The following GPAM variants were observed in gnomAD, a reference collection of about 807,000 sequenced individuals.
The protein encoded by GPAM is glycerol-3-phosphate acyltransferase, mitochondrial, also known as glycerol-3-phosphate acyltransferase 1, mitochondrial.
Under a neutral mutation model 105.0 loss-of-function variants are expected in GPAM, and 56 were observed. The ratio of observed to expected loss-of-function variants is 0.53; its 90% confidence interval spans 0.43 to 0.67. The LOEUF (loss-of-function observed/expected upper bound fraction) is 0.67. GPAM is among the 30% of genes least tolerant of loss of function. The probability of loss-of-function intolerance (pLI) is 0.00; values close to 1 mark genes in which losing one functional copy is unlikely to be tolerated. For synonymous variants in GPAM, 368 were observed against 354.4 expected, an observed-to-expected ratio of 1.04 and a Z score of -0.43; for missense variants, 855 against 989.8, an observed-to-expected ratio of 0.86 and a Z score of 1.83.
intron 1 of GPAM, among the ~76,000 whole-genome samples, chr10:112,203,618 G>C (rs905039307): frequency 1.3e-5 from 2 of 152,152 alleles, no homozygotes; most frequent in African/African-American, 4.8e-5. Flanking sequence ...ATATTCATTA[G>C]TGTTTAGAGT....
At chr10:112,197,671 T>C (rs1169120054) in intron 1 of GPAM, among the ~76,000 whole-genome samples, 5 of 113,866 alleles carry the variant, frequency 4.4e-5, no homozygotes, top group Non-Finnish European at 8.3e-5. Context: ...CAGAGTGTGA[T>C]ATTCCCCTTC....
At chr10:112,181,167 A>C (rs908389145) in intron 3 of GPAM, among the ~76,000 whole-genome samples, 2 of 151,672 alleles carry the variant, frequency 1.3e-5, no homozygotes, top group Admixed American at 1.3e-4. Flanking sequence ...ATACAGATAT[A>C]ACATTCTCAA....
chr10:112,163,967 C>T, intron 13 of GPAM, 151 bp from the exon 14 acceptor site: 1 of 673,392 alleles, frequency 1.5e-6, no homozygotes, highest in South Asian at 1.7e-5. Flanking sequence ...TATTTTCCTC[C>T]ATAATATACT....
At chr10:112,164,731 T>C (rs1185693386) in intron 12 of GPAM, 121 bp from the exon 13 acceptor site, 3 of 696,702 alleles carry the variant, frequency 4.3e-6, no homozygotes, top group Admixed American at 2.1e-5. Flanking sequence ...CTATAGAGCA[T>C]GGGAAATACT....
At position 112,166,484 on chromosome 10, in the gene GPAM, C is replaced by G; in HGVS notation, c.1139G>C (p.Ser380Thr). ...GKPKKNESLW[S>T]VARGVIRMLR... ...CATTCTAATAACACCTCTTGCTACA[C>G]TCCACAGGCTCTCATTCTTCTTAGG... The change falls in exon 12 of 22, where the codon AGT (serine) becomes ACT (threonine). Residue 380 changes from serine (S) to threonine (T), a missense_variant. By Grantham distance (58) the Ser-to-Thr change is moderately conservative. Coordinates refer to ENST00000348367, the MANE Select transcript of GPAM (RefSeq NM_001244949.2). 6.2e-7 allele frequency: 1 copy of G among 1,610,092 alleles called. No homozygotes were observed. Among genetic ancestry groups the G allele is most frequent in the Non-Finnish European group, 8.5e-7 (1 of 1,176,276 alleles).
intron 20 of GPAM, 157 bp downstream of exon 20, chr10:112,155,707 T>G: frequency 1.7e-6 from 1 of 588,894 alleles, no homozygotes; most frequent in Non-Finnish European, 3.0e-6. Context: ...ACTGTATCAT[T>G]CAACTTATAT....
In GPAM at chr10:112,156,261, T is replaced by C. The variant is rs1425498834; in HGVS notation, c.2122-208A>G. 5.1e-6 allele frequency: 3 copies of C among 588,902 alleles called. No homozygotes were observed. In the East Asian group the frequency reaches 8.7e-5, roughly 17 times the overall value. The allele number at this position is 588,902 out of a possible 1,614,324, so 36.5% of individuals were successfully genotyped here. ...TCAAACACATTCTTTATTGTAATCA[T>C]TCACTTTTTTATGGTATTTGAGGCT... On this transcript the variant is annotated intron_variant, in intron 19 of 21. Transcript: ENST00000348367.
chr10:112,168,828 A>G (rs771758255), intron 10 of GPAM, 25 bp downstream of exon 10: 6 of 1,354,656 alleles, frequency 4.4e-6, no homozygotes, highest in Non-Finnish European at 5.3e-6. Flanking sequence ...CAATGTCCCT[A>G]AGGATAATTA....
chr10:112,198,464 T>C (rs544901294), intron 1 of GPAM, among the ~76,000 whole-genome samples: 4 of 152,200 alleles, frequency 2.6e-5, no homozygotes, highest in Non-Finnish European at 4.4e-5. Context: ...GATTATCTGA[T>C]GAAACTCCAG....
chr10:112,171,114 G>A (rs1239889813), intron 9 of GPAM, among the ~76,000 whole-genome samples: 3 of 152,156 alleles, frequency 2.0e-5, no homozygotes, highest in African/African-American at 7.2e-5. Flanking sequence ...GCTGACCTTA[G>A]AGATGCTTTG....
rs1847105826 is a variant in GPAM, at chr10:112,160,659, T to G, written c.1704A>C (p.Glu568Asp). 4.3e-6 allele frequency: 7 copies of G among 1,613,606 alleles called. No individual in the cohort carries two copies. The highest frequency in any genetic ancestry group is 5.9e-6 in the Non-Finnish European group (7 of 1,179,528). The change falls in exon 16 of 22, where the codon GAA becomes GAC. Residue 568 changes from glutamate to aspartate, a missense_variant. Coordinates refer to ENST00000348367, the MANE Select transcript of GPAM (RefSeq NM_001244949.2). ...TPSTTVPSVF[E>D]LNFYSNGVLH... ...GTACCCCATTGCTGTAGAAGTTGAG[T>G]TCGAAGACTGATGGGACAGTTGTGC...
At chr10:112,186,196 A>G (rs1320298268), upstream of GPAM, among the ~76,000 whole-genome samples, 2 of 152,216 alleles carry the variant, frequency 1.3e-5, no homozygotes, top group East Asian at 3.9e-4. Context: ...CAGATTTCAC[A>G]TCAGAAAAAT....
chr10:112,192,941 T>G (rs1021595583), intron 1 of GPAM, among the ~76,000 whole-genome samples: 4 of 152,172 alleles, frequency 2.6e-5, no homozygotes, highest in African/African-American at 9.7e-5. Flanking sequence ...GCAGAGAATC[T>G]AGGTAAGGAA....
At position 112,153,570 on chromosome 10, in the gene GPAM, G is replaced by A; in HGVS notation, c.2467C>T (p.Leu823=). The A allele has an allele frequency of 6.2e-7, 1 of 1,613,956 alleles. No homozygotes were observed. ...CNRQKLLEYI[L]SFVVL ...GTTACCTACAGCACCACAAAACTCA[G>A]AATATATTCTAGAAGTTTTTGTCGG... is the stretch of plus-strand genomic sequence containing the variant. The change falls in exon 22 of 22, where the codon CTG becomes TTG. Residue 823 remains leucine (L), a synonymous_variant. Coordinates refer to ENST00000348367, the MANE Select transcript of GPAM (RefSeq NM_001244949.2).
chr10:112,173,067 C>A lies in GPAM; in HGVS notation c.561-1G>T. The A allele has an allele frequency of 1.9e-6, 3 of 1,569,060 alleles. No individual in the cohort carries two copies. The highest frequency in any genetic ancestry group is 2.6e-6 in the Non-Finnish European group (3 of 1,139,108). On this transcript the variant is annotated splice_acceptor_variant, in intron 7 of 21. Coordinates refer to ENST00000348367, the MANE Select transcript of GPAM (RefSeq NM_001244949.2). LOFTEE classifies it high-confidence loss of function. ...TTTTAGCAGCACCCACCCAGTCAGTCTGAAACAAAGTACAAACAAAAAAAA... is the reference window on the plus strand; with the variant it reads ...TTTTAGCAGCACCCACCCAGTCAGTATGAAACAAAGTACAAACAAAAAAAA...
intron 9 of GPAM, among the ~76,000 whole-genome samples, chr10:112,170,881 C>CCT (rs1847301578): frequency 6.6e-6 from 1 of 152,172 alleles, no homozygotes; most frequent in Non-Finnish European, 1.5e-5. Flanking sequence ...GGCTTCTCTT[C>CCT]AGTTGGGTCA....
In GPAM at chr10:112,151,088, C is replaced by T. The variant is rs147448361; in HGVS notation, c.*2462G>A. The T allele has an allele frequency of 1.0e-4, 103 of 982,836 alleles. 1 individual carries two copies. The Middle Eastern group carries it at 2.1e-3, about 20-fold the overall frequency. The allele number at this position is 982,836 out of a possible 1,614,324, so 60.9% of individuals were successfully genotyped here. ...GGACATTCTCATTTTCAAAAACAGA[C>T]TGCAGTTTCATGTTGTTTAATATTG... On this transcript the variant is annotated 3_prime_UTR_variant, in exon 22 of 22. Coordinates refer to ENST00000348367, the MANE Select transcript of GPAM (RefSeq NM_001244949.2).
chr10:112,169,077 G>C (rs1349319187), intron 9 of GPAM, 125 bp from the exon 10 acceptor site: 2 of 677,190 alleles, frequency 3.0e-6, no homozygotes, highest in East Asian at 5.4e-5. Flanking sequence ...GCAGCTGACA[G>C]TAAAAATGCA....
rs1847488889 is a variant in GPAM, at chr10:112,180,511, C to G, written c.187G>C (p.Val63Leu). The change falls in exon 4 of 22, where the codon GTT becomes CTT. Residue 63 changes from valine (V) to leucine (L), a missense_variant. Transcript: ENST00000348367. ...ESLMSRKRPF[V>L]GRCCYSCTPQ... ...GTGCAGGAGTAACAACATCTTCCAA[C>G]AAATGGCCTTTTCCGACTCATTAGG... is the stretch of plus-strand genomic sequence containing the variant. 1 of 1,613,618 alleles carries G rather than the reference C, an allele frequency of 6.2e-7. No individual in the cohort carries two copies. Among genetic ancestry groups the G allele is most frequent in the African/African-American group, 1.3e-5 (1 of 74,916 alleles).
Sources: gnomAD v4.1 joint callset for allele counts (sites outside exome capture counted in the v4.1 genomes callset) on GRCh38, gnomAD v4.1.1 for gene constraint, MANE v1.5 for transcripts, NCBI Gene and HGNC (gene_info 2026-07-23, HGNC 2026-07-21) for gene names.